Variants in STAT5B observed in about 807,000 individuals in gnomAD.
STAT5B encodes transcription factor STAT5B.
In STAT5B, 21 loss-of-function variants were observed where a neutral mutation model predicts 107.8. The ratio of observed to expected loss-of-function variants is 0.19; its 90% CI spans 0.14 to 0.28. The LOEUF (loss-of-function observed/expected upper bound fraction) is 0.28, where lower values mean the gene tolerates loss of function less well. Among genes scored for constraint, STAT5B ranks in the 10% least tolerant of loss-of-function variants. The pLI is 1.00. For missense variants in STAT5B, 565 were observed against 1,008.2 expected, an observed-to-expected ratio of 0.56 and a Z score of 5.95; for synonymous variants, 325 against 401.7, an observed-to-expected ratio of 0.81 and a Z score of 2.28.
chr17:42,252,062 C>A (rs986960163), intron 1 of STAT5B, among the ~76,000 whole-genome samples: 2 of 150,828 alleles, frequency 1.3e-5, no homozygotes, highest in Non-Finnish European at 3.0e-5. Flanking sequence ...TGTTGATGTA[C>A]ATTAAGTATG....
rs71917212 is a variant in STAT5B, at chr17:42,262,922, G to GTA, written c.-11+13324_-11+13325dup. On this transcript the variant is annotated intron_variant, in intron 1 of 18. Transcript: ENST00000293328. The stretch of plus-strand genomic sequence containing the variant: ...TATATATATGTGTATATATATGTGT[G>GTA]TATATATATATGTATATATATGTGT... Among the ~76,000 whole-genome samples, 36 of 90,146 alleles carry GTA rather than the reference G, an allele frequency of 4.0e-4. 1 individual carries two copies. The highest frequency in any genetic ancestry group is 5.5e-4 in the Non-Finnish European group (25 of 45,640). The allele number at this position is 90,146 out of a possible 152,430, so 59.1% of individuals were successfully genotyped here. A position where few individuals can be genotyped will look rare whatever the true frequency, so the allele number is the denominator to read the frequency against.
At chr17:42,284,730 C>A in the STAT5B span, among the ~76,000 whole-genome samples, 3 of 152,214 alleles carry the variant, frequency 2.0e-5, no homozygotes, top group Non-Finnish European at 2.9e-5. Flanking sequence ...CCCAGGGAGG[C>A]CTCTTCACTC....
chr17:42,212,941 A>G (rs931949712), intron 12 of STAT5B, among the ~76,000 whole-genome samples: 1 of 152,230 alleles, frequency 6.6e-6, no homozygotes, highest in African/African-American at 2.4e-5. Context: ...CACCAAAGAT[A>G]TTCTATGCAT....
rs2080053066 is a variant in STAT5B, at chr17:42,202,456, G to A, written c.2130-9C>T. Reference sequence around the variant, plus strand: ...CAGATGCGTTCACAAACCTGCAGAAGGAAGAGAACAGAGCTTCAGCTGCCA... The same window carrying A: ...CAGATGCGTTCACAAACCTGCAGAAAGAAGAGAACAGAGCTTCAGCTGCCA... On this transcript the variant is annotated splice_polypyrimidine_tract_variant and intron_variant, in intron 17 of 18. Transcript: ENST00000293328. 3 of 1,613,804 alleles carry A rather than the reference G, an allele frequency of 1.9e-6. No homozygotes were observed. Among genetic ancestry groups the A allele is most frequent in the Non-Finnish European group, 2.5e-6 (3 of 1,179,952 alleles).
At chr17:42,281,897 C>T in the STAT5B span, among the ~76,000 whole-genome samples, 1 of 152,228 alleles carries the variant, frequency 6.6e-6, no homozygotes, top group East Asian at 1.9e-4. Flanking sequence ...CAGAGTGCCA[C>T]TGCAGCCAGT....
chr17:42,275,928 T>G (rs925837669), intron 1 of STAT5B, among the ~76,000 whole-genome samples: 3 of 151,998 alleles, frequency 2.0e-5, no homozygotes, highest in African/African-American at 7.2e-5. Context: ...TGAGCTCCTA[T>G]GGGGTCGGCG....
chr17:42,246,877 T>C (rs2080456303), intron 1 of STAT5B, among the ~76,000 whole-genome samples: 1 of 152,268 alleles, frequency 6.6e-6, no homozygotes, highest in African/African-American at 2.4e-5. Flanking sequence ...AGAGTAACAA[T>C]TCAAGGTGTC....
Position 42,220,402 on chromosome 17 carries a change from A to G in STAT5B, c.551-560T>C, listed in dbSNP as rs534977591. ...TGCTTCTTGGTTAACGGGGAACAGG[A>G]CAGAGAGAAGAGGTGACAGAGACAA... On this transcript the variant is annotated intron_variant, in intron 5 of 18. Coordinates refer to ENST00000293328, the MANE Select transcript of STAT5B (RefSeq NM_012448.4). 3.3e-5 allele frequency among the ~76,000 whole-genome samples: 5 copies of G among 152,260 alleles called. No homozygotes were observed. In the East Asian group the frequency reaches 9.6e-4, roughly 29 times the overall value.
chr17:42,211,591 C>G (rs181519187), intron 13 of STAT5B, among the ~76,000 whole-genome samples: 4 of 152,252 alleles, frequency 2.6e-5, no homozygotes, highest in South Asian at 2.1e-4. Flanking sequence ...ATCAGCATCC[C>G]TCTTTGTGGG....
At chr17:42,256,432 G>A (rs942148023) in intron 1 of STAT5B, among the ~76,000 whole-genome samples, 1 of 152,108 alleles carries the variant, frequency 6.6e-6, no homozygotes, top group Admixed American at 6.6e-5. Context: ...GTCCTTCTGA[G>A]GGTTGAAGTT....
chr17:42,234,389 TG>T (rs1385500048), intron 1 of STAT5B: 2 of 152,174 alleles, frequency 1.3e-5, no homozygotes, highest in Admixed American at 6.5e-5. Context: ...CAAATTTCAG[TG>T]GTTGTGAGTT....
chr17:42,256,144 A>G (rs948146575), intron 1 of STAT5B, among the ~76,000 whole-genome samples: 2 of 152,226 alleles, frequency 1.3e-5, no homozygotes, highest in Admixed American at 1.3e-4. Context: ...AAATGGGGTT[A>G]AAAAACCAGT....
chr17:42,277,762 T>TC (rs1216877941), upstream of STAT5B, among the ~76,000 whole-genome samples: 1 of 147,250 alleles, frequency 6.8e-6, no homozygotes, highest in African/African-American at 2.6e-5. Context: ...TCTTTTCTTT[T>TC]TTTTTTTTTT....
chr17:42,276,950 T>A (rs2080772167), upstream of STAT5B, among the ~76,000 whole-genome samples: 1 of 152,164 alleles, frequency 6.6e-6, no homozygotes, highest in African/African-American at 2.4e-5. The surrounding 1 kb of genome is among the most constrained non-coding windows in gnomAD (Gnocchi z 4.8). Flanking sequence ...GGAATTCACA[T>A]TCGCCCAGGC....
chr17:42,265,374 C>CTTTTTTTTTTTTTTTTTTTTTTT (rs1275073687), intron 1 of STAT5B, among the ~76,000 whole-genome samples: 1 of 99,230 alleles, frequency 1.0e-5, no homozygotes, highest in African/African-American at 5.0e-5. Flanking sequence ...GGTATGTACT[C>CTTTTTTTTTTTTTTTTTTTTTTT]TTCTTTTTTT....
At chr17:42,210,335 T>C (rs1165315046) in intron 14 of STAT5B, 34 bp from the exon 15 acceptor site, 4 of 1,613,826 alleles carry the variant, frequency 2.5e-6, no homozygotes, top group South Asian at 1.1e-5. Flanking sequence ...AGAAGCAGAG[T>C]GTGACTTACG....
intron 12 of STAT5B, chr17:42,214,167 G>C: frequency 2.1e-6 from 2 of 961,856 alleles, no homozygotes; most frequent in Non-Finnish European, 2.5e-6. Flanking sequence ...AAAAAAAATA[G>C]CATAAGATGT....
intron 5 of STAT5B, among the ~76,000 whole-genome samples, chr17:42,222,696 TTTG>T (rs1421652966): frequency 6.6e-6 from 1 of 151,550 alleles, no homozygotes; most frequent in East Asian, 1.9e-4. Flanking sequence ...TTTTTTTTTT[TTTG>T]AGACAGAATT....
rs1411847956 is a variant in STAT5B, at chr17:42,270,802, C to T, written c.-11+5446G>A. The T allele has an allele frequency of 3.3e-5, 5 of 152,148 alleles. No individual in the cohort carries two copies. The East Asian group carries it at 9.6e-4, about 29-fold the overall frequency. The allele number at this position is 152,148 out of a possible 1,614,324, so 9.4% of individuals were successfully genotyped here. ...AGCCCCGCCAAGAACAGTAATGTGACCTTGGACAAATTACTTAACTTCTCT... is the reference window on the plus strand; with the variant it reads ...AGCCCCGCCAAGAACAGTAATGTGATCTTGGACAAATTACTTAACTTCTCT... On this transcript the variant is annotated intron_variant, in intron 1 of 18. Coordinates refer to ENST00000293328, the MANE Select transcript of STAT5B (RefSeq NM_012448.4).
Sources: allele counts gnomAD v4.1 joint callset (sites outside exome capture counted in the v4.1 genomes callset), GRCh38; gene constraint gnomAD v4.1.1; non-coding constraint Gnocchi (gnomAD v3.1); transcripts MANE v1.5; gene names NCBI Gene and HGNC (gene_info 2026-07-23, HGNC 2026-07-21).